The following LTBP1 variants were observed in gnomAD, a reference collection of about 807,000 sequenced individuals.
LTBP1 encodes latent-transforming growth factor beta-binding protein 1.
In LTBP1, 129 loss-of-function variants were observed where a neutral mutation model predicts 207.6. The ratio of observed to expected loss-of-function variants is 0.62; its 90% CI spans 0.54 to 0.72. The LOEUF is 0.72. Ranked by LOEUF, LTBP1 falls within the 30% of genes least tolerant of loss-of-function variation. The pLI is 0.00. For missense variants in LTBP1, 2,281 were observed against 2,217.2 expected, an observed-to-expected ratio of 1.03 and a Z score of -0.58; for synonymous variants, 963 against 833.7, an observed-to-expected ratio of 1.16 and a Z score of -2.67.
At chr2:33,261,464 T>G (rs554918456) in intron 13 of LTBP1, among the ~76,000 whole-genome samples, 3 of 151,954 alleles carry the variant, frequency 2.0e-5, no homozygotes, top group Admixed American at 1.3e-4. Flanking sequence ...CTACTCAAGT[T>G]AAGAAGAAAG....
intron 32 of LTBP1, among the ~76,000 whole-genome samples, chr2:33,393,562 A>G (rs1232953712): frequency 1.3e-5 from 2 of 151,344 alleles, no homozygotes; most frequent in Non-Finnish European, 2.9e-5. Flanking sequence ...TGTCCTTGCA[A>G]TAGTTTGCTG....
chr2:33,145,498 C>A (rs543491169), intron 5 of LTBP1, among the ~76,000 whole-genome samples: 4 of 152,302 alleles, frequency 2.6e-5, no homozygotes, highest in Admixed American at 2.6e-4. Context: ...CTTCTCCTGG[C>A]AAGTTAGGAA....
intron 2 of LTBP1, among the ~76,000 whole-genome samples, chr2:33,006,193 G>T (rs769646236): frequency 6.6e-6 from 1 of 152,088 alleles, no homozygotes; most frequent in Non-Finnish European, 1.5e-5. Context: ...AGAGTGCTGA[G>T]ATTACAGGCG....
At chr2:33,234,261 G>A (rs930553062) in intron 9 of LTBP1, among the ~76,000 whole-genome samples, 5 of 152,000 alleles carry the variant, frequency 3.3e-5, no homozygotes, top group Non-Finnish European at 7.4e-5. Flanking sequence ...TGTCTCTAAA[G>A]TTGCCTTCAG....
rs189755513 is a variant in LTBP1 at position 33,159,942 on chromosome 2, C to T, written c.1201+24982C>T. Among the ~76,000 whole-genome samples the T allele has an allele frequency of 1.6e-4, 24 of 152,192 alleles. 1 individual carries two copies. In the East Asian group the frequency reaches 4.6e-3, roughly 29 times the overall value. On this transcript the variant is annotated intron_variant, in intron 5 of 33. Transcript: ENST00000404816. The stretch of plus-strand genomic sequence containing the variant: ...TGTTGCCCAGGCTGGAGTGCAGTGG[C>T]GCAATCTCTGCTCACTGCCACCTCT...
At chr2:32,988,554 G>A (rs1219387276) in intron 2 of LTBP1, among the ~76,000 whole-genome samples, 4 of 152,220 alleles carry the variant, frequency 2.6e-5, no homozygotes, top group Non-Finnish European at 4.4e-5. Flanking sequence ...TAGACTAAAT[G>A]AGGCACGAGT....
At chr2:32,985,181 T>C (rs955818088) in intron 2 of LTBP1, among the ~76,000 whole-genome samples, 12 of 152,214 alleles carry the variant, frequency 7.9e-5, no homozygotes, top group African/African-American at 2.9e-4. Context: ...GAGAACACCC[T>C]ACTTTTGAAC....
intron 2 of LTBP1, among the ~76,000 whole-genome samples, chr2:32,979,270 C>T (rs1416106334): frequency 6.6e-6 from 1 of 151,482 alleles, no homozygotes; most frequent in African/African-American, 2.4e-5. Flanking sequence ...CTTTCTAGGT[C>T]TTTATGATGC....
chr2:33,324,205 A>C (rs2094395480), intron 24 of LTBP1, among the ~76,000 whole-genome samples: 1 of 152,008 alleles, frequency 6.6e-6, no homozygotes, highest in Non-Finnish European at 1.5e-5. Context: ...ACAGCCTACA[A>C]ATATTATAGT....
chr2:33,334,773 C>G (rs1353890814), intron 24 of LTBP1, among the ~76,000 whole-genome samples: 2 of 151,832 alleles, frequency 1.3e-5, no homozygotes, highest in African/African-American at 2.4e-5. Flanking sequence ...GTAATTTTTA[C>G]AGAATAATTT....
chr2:33,051,848 C>G (rs1001892461), intron 3 of LTBP1, among the ~76,000 whole-genome samples: 1 of 152,198 alleles, frequency 6.6e-6, no homozygotes. Flanking sequence ...GAAGGCCTAT[C>G]AACTCTCCCC....
chr2:33,065,818 C>G (rs774256203), intron 3 of LTBP1, among the ~76,000 whole-genome samples: 1 of 152,116 alleles, frequency 6.6e-6, no homozygotes, highest in Non-Finnish European at 1.5e-5. Context: ...AACTGGTGAA[C>G]ATATGGTCTT....
In LTBP1 at chr2:33,392,871, G is replaced by A. The variant is rs560252918; in HGVS notation, c.4834+3565G>A. On this transcript the variant is annotated intron_variant, in intron 32 of 33. Coordinates refer to ENST00000404816, the MANE Select transcript of LTBP1 (RefSeq NM_206943.4). ...TTTCTTAACTGGCTTTGAGTATGTG[G>A]TGTCACTTTTTTTTTTTTTTAAATT... Among the ~76,000 whole-genome samples, 61 of 151,254 alleles carry A rather than the reference G, an allele frequency of 4.0e-4. 1 individual carries two copies. In the South Asian group the frequency reaches 0.012, roughly 31 times the overall value.
rs184832029 is a variant in LTBP1, at chr2:32,997,507, A to G, written c.566-23402A>G. On this transcript the variant is annotated intron_variant, in intron 2 of 33. Transcript: ENST00000404816. Reference sequence around the variant, plus strand: ...CAACAGAGTGAGACCCTGTCTTTAAAAAACAAAACAAAAGAAAACCACACA... The same window carrying G: ...CAACAGAGTGAGACCCTGTCTTTAAGAAACAAAACAAAAGAAAACCACACA... Among the ~76,000 whole-genome samples the G allele has an allele frequency of 7.9e-4, 121 of 152,236 alleles. 1 individual carries two copies. Among genetic ancestry groups the G allele is most frequent in the African/African-American group, 2.8e-3 (116 of 41,564 alleles).
At chr2:33,171,683 G>A (rs1454998337) in intron 5 of LTBP1, among the ~76,000 whole-genome samples, 2 of 151,974 alleles carry the variant, frequency 1.3e-5, no homozygotes, top group Non-Finnish European at 2.9e-5. Flanking sequence ...CTTGAGAAGA[G>A]CAACTCCAAG....
rs527446243 is a variant in LTBP1, at chr2:32,955,545, T to C, written c.565+6600T>C. Reference sequence around the variant, plus strand: ...GTATATTTTTGCGAGAGCTGGAAATTTGCAAAATTGTTGCTGCATCAGTGA... The same window carrying C: ...GTATATTTTTGCGAGAGCTGGAAATCTGCAAAATTGTTGCTGCATCAGTGA... On this transcript the variant is annotated intron_variant, in intron 2 of 33. Transcript: ENST00000404816. Among the ~76,000 whole-genome samples, 8 of 152,322 alleles carry C rather than the reference T, an allele frequency of 5.3e-5. No homozygotes were observed. In the South Asian group the frequency reaches 1.7e-3, roughly 32 times the overall value.
chr2:33,139,149 C>T (rs1422089363), intron 5 of LTBP1, among the ~76,000 whole-genome samples: 12 of 152,072 alleles, frequency 7.9e-5, no homozygotes, highest in African/African-American at 2.9e-4. Flanking sequence ...TGAGCCACCG[C>T]GCCCGGCTAA....
At chr2:33,209,236 A>T (rs1371934591) in intron 7 of LTBP1, among the ~76,000 whole-genome samples, 1 of 152,114 alleles carries the variant, frequency 6.6e-6, no homozygotes, top group Non-Finnish European at 1.5e-5. Flanking sequence ...GATTCACAAG[A>T]AACCATTGCT....
intron 3 of LTBP1, among the ~76,000 whole-genome samples, chr2:33,092,705 G>C (rs977393766): frequency 6.6e-6 from 1 of 152,178 alleles, no homozygotes; most frequent in Non-Finnish European, 1.5e-5. Context: ...AATGGAAGGA[G>C]TATTTGAGGA....
Sources: gnomAD v4.1 joint callset for allele counts (sites outside exome capture counted in the v4.1 genomes callset) on GRCh38, gnomAD v4.1.1 for gene constraint, MANE v1.5 for transcripts, NCBI Gene and HGNC (gene_info 2026-07-23, HGNC 2026-07-21) for gene names.